PHF14: variants seen among roughly 807,000 people sequenced by gnomAD.
PHF14 encodes the protein PHD finger protein 14.
Under a neutral mutation model 117.9 loss-of-function variants are expected in PHF14, and 55 were observed. That is an observed-to-expected ratio of 0.47 (90% CI 0.38 to 0.58). The LOEUF (loss-of-function observed/expected upper bound fraction) is 0.58, where lower values mean the gene tolerates loss of function less well. Ranked by LOEUF, PHF14 falls within the 20% of genes least tolerant of loss-of-function variation. The probability of loss-of-function intolerance (pLI) is 0.00; values close to 1 mark genes in which losing one functional copy is unlikely to be tolerated. For missense variants in PHF14, 978 were observed against 1,122.2 expected, an observed-to-expected ratio of 0.87 and a Z score of 1.84; for synonymous variants, 409 against 368.6, an observed-to-expected ratio of 1.11 and a Z score of -1.26.
At chr7:11,005,656 A>G (rs1583354673) in intron 4 of PHF14, among the ~76,000 whole-genome samples, 1 of 152,186 alleles carries the variant, frequency 6.6e-6, no homozygotes, top group East Asian at 1.9e-4. Flanking sequence ...TTAATGATAC[A>G]TAGAATGGCT....
intron 17 of PHF14, among the ~76,000 whole-genome samples, chr7:11,113,637 A>C (rs536170982): frequency 2.6e-5 from 4 of 152,286 alleles, no homozygotes; most frequent in African/African-American, 9.6e-5. Context: ...AATGAAATTT[A>C]ATATAATATT....
intron 17 of PHF14, among the ~76,000 whole-genome samples, chr7:11,158,085 A>G (rs751551111): frequency 2.6e-5 from 4 of 152,098 alleles, no homozygotes; most frequent in Non-Finnish European, 5.9e-5. Context: ...TAAGAAATTA[A>G]TCTTAATACA....
chr7:11,098,656 C>T (rs1360256148), intron 16 of PHF14, among the ~76,000 whole-genome samples: 1 of 152,156 alleles, frequency 6.6e-6, no homozygotes, highest in East Asian at 1.9e-4. Flanking sequence ...CTTTAATCCC[C>T]ACTGCACCCG....
chr7:11,025,556 G>T (rs1240068520), intron 6 of PHF14, among the ~76,000 whole-genome samples: 1 of 152,156 alleles, frequency 6.6e-6, no homozygotes, highest in East Asian at 1.9e-4. Flanking sequence ...CACTTTGGGA[G>T]GCCGAGGTGG....
At chr7:11,126,718 C>T (rs1787938663) in intron 17 of PHF14, among the ~76,000 whole-genome samples, 1 of 149,790 alleles carries the variant, frequency 6.7e-6, no homozygotes. Flanking sequence ...AGCAATGTCC[C>T]TAATAGGGTA....
At chr7:10,981,612 A>T (rs1004011400) in intron 2 of PHF14, among the ~76,000 whole-genome samples, 1 of 152,184 alleles carries the variant, frequency 6.6e-6, no homozygotes, top group Non-Finnish European at 1.5e-5. Flanking sequence ...TTCAGGATGG[A>T]CTGCTTTATT....
At chr7:11,162,229 C>T (rs1789066806) in intron 17 of PHF14, among the ~76,000 whole-genome samples, 1 of 151,464 alleles carries the variant, frequency 6.6e-6, no homozygotes, top group South Asian at 2.1e-4. Context: ...GCTGGGACTA[C>T]AGGCACACGC....
chr7:11,038,638 C>G (rs1387616441), intron 10 of PHF14, 122 bp from the exon 11 acceptor site: 2 of 262,268 alleles, frequency 7.6e-6, no homozygotes, highest in East Asian at 7.0e-5. Context: ...AGCCTGGTGA[C>G]AGAGTGAGAC....
chr7:11,059,936 T>TC (rs1785158185), intron 14 of PHF14, among the ~76,000 whole-genome samples: 1 of 152,194 alleles, frequency 6.6e-6, no homozygotes, highest in Non-Finnish European at 1.5e-5. Flanking sequence ...AGTGACTTGA[T>TC]CATGTCTCAC....
intron 3 of PHF14, among the ~76,000 whole-genome samples, chr7:10,987,787 A>T (rs1158691887): frequency 6.6e-6 from 1 of 152,094 alleles, no homozygotes; most frequent in Non-Finnish European, 1.5e-5. Flanking sequence ...ATATACTAAC[A>T]ACAGTTGATA....
chr7:11,101,708 C>A (rs1055090343), intron 16 of PHF14, among the ~76,000 whole-genome samples: 1 of 151,650 alleles, frequency 6.6e-6, no homozygotes, highest in Admixed American at 6.6e-5. Flanking sequence ...CTCAATGGAA[C>A]CTAGAAGCAT....
intron 16 of PHF14, among the ~76,000 whole-genome samples, chr7:11,089,732 T>C (rs1057422783): frequency 2.6e-5 from 4 of 151,654 alleles, no homozygotes; most frequent in African/African-American, 9.7e-5. Flanking sequence ...CTTTATGATG[T>C]GACTTTAGTG....
At chr7:11,120,585 T>C (rs1787720334) in intron 17 of PHF14, among the ~76,000 whole-genome samples, 1 of 152,074 alleles carries the variant, frequency 6.6e-6, no homozygotes, top group Non-Finnish European at 1.5e-5. Flanking sequence ...GCTATCTTTA[T>C]AATTAATGTA....
At chr7:10,975,462 T>C (rs1381789458) in intron 2 of PHF14, among the ~76,000 whole-genome samples, 1 of 152,216 alleles carries the variant, frequency 6.6e-6, no homozygotes, top group African/African-American at 2.4e-5. Context: ...CTTTCAGATG[T>C]CTCTGAAGTA....
intron 17 of PHF14, among the ~76,000 whole-genome samples, chr7:11,128,704 C>T (rs538308013): frequency 6.6e-6 from 1 of 151,580 alleles, no homozygotes; most frequent in African/African-American, 2.4e-5. Context: ...CTCTCTCCCC[C>T]CGCCCCCACT....
chr7:11,043,032 C>G (rs1307106359), intron 13 of PHF14, among the ~76,000 whole-genome samples: 1 of 151,802 alleles, frequency 6.6e-6, no homozygotes, highest in African/African-American at 2.4e-5. Flanking sequence ...GCAATAGATT[C>G]TTCTTTAAGG....
chr7:11,055,649 A>C (rs985036426), intron 14 of PHF14, among the ~76,000 whole-genome samples: 1 of 152,154 alleles, frequency 6.6e-6, no homozygotes, highest in African/African-American at 2.4e-5. Flanking sequence ...TTTCCATCGC[A>C]CTTAACAATG....
At chr7:11,168,878 T>A (rs1365519836) in intron 17 of PHF14, among the ~76,000 whole-genome samples, 2 of 152,154 alleles carry the variant, frequency 1.3e-5, no homozygotes, top group African/African-American at 4.8e-5. Flanking sequence ...GAACCTGCTA[T>A]GAATTATGAG....
intron 13 of PHF14, among the ~76,000 whole-genome samples, chr7:11,049,919 A>G (rs1003924375): frequency 1.3e-5 from 2 of 152,338 alleles, no homozygotes; most frequent in South Asian, 4.1e-4. Flanking sequence ...CAATAGATAC[A>G]TAAAAGTTTT....
Sources: gnomAD v4.1 joint callset for allele counts (sites outside exome capture counted in the v4.1 genomes callset) on GRCh38, gnomAD v4.1.1 for gene constraint, MANE v1.5 for transcripts, NCBI Gene and HGNC (gene_info 2026-07-23, HGNC 2026-07-21) for gene names.